Variants in CBR4 observed in about 807,000 individuals in gnomAD.
The protein encoded by CBR4 is carbonyl reductase 4.
In CBR4, 22 loss-of-function variants were observed where a neutral mutation model predicts 21.0. The observed-to-expected ratio is 1.05, with a 90% CI of 0.75 to 1.50. CBR4 has a LOEUF of 1.50. CBR4 is among the 40% of genes most tolerant of loss of function. The pLI, the probability that CBR4 is intolerant of heterozygous loss-of-function variation, is 0.00. For missense variants in CBR4, 302 were observed against 286.3 expected, an observed-to-expected ratio of 1.05 and a Z score of -0.40; for synonymous variants, 100 against 104.4, an observed-to-expected ratio of 0.96 and a Z score of 0.26.
chr4:168,900,405 A>C (rs1245768975), intron 2 of CBR4, among the ~76,000 whole-genome samples: 1 of 152,250 alleles, frequency 6.6e-6, no homozygotes, highest in Non-Finnish European at 1.5e-5. Flanking sequence ...AATTTTAAAA[A>C]GAATGGAAAC....
At position 168,977,293 on chromosome 4, in the gene CBR4, T is replaced by C. The variant is rs529389812; in HGVS notation, n.169+24778A>G. On this transcript the variant is annotated intron_variant and non_coding_transcript_variant, in intron 2 of 3. Transcript: ENST00000509108. ...ATCCATCTTATATGCCTAGCAGTAT[T>C]GATATCAAGAACTCCTTCCTTCAAG... Among the ~76,000 whole-genome samples, 88 of 152,322 alleles carry C rather than the reference T, an allele frequency of 5.8e-4. 2 individuals are homozygous for C. Among genetic ancestry groups the C allele is most frequent in the African/African-American group, 1.9e-3 (81 of 41,554 alleles).
chr4:168,920,577 T>A lies in CBR4; in HGVS notation n.170-25812A>T, dbSNP rs1001251244. 3.9e-5 allele frequency among the ~76,000 whole-genome samples: 6 copies of A among 152,212 alleles called. 1 individual carries two copies. The South Asian group carries it at 1.2e-3, about 32-fold the overall frequency. On this transcript the variant is annotated intron_variant and non_coding_transcript_variant, in intron 2 of 3. Coordinates refer to the CBR4 transcript ENST00000509108. ...AAAATCAAGGGCAAAACTAAAAAGC[T>A]GGCAGATGGCGACCATCCTGACCCT...
At chr4:168,993,055 T>C (rs997101800) in intron 4 of CBR4, among the ~76,000 whole-genome samples, 3 of 152,166 alleles carry the variant, frequency 2.0e-5, no homozygotes, top group African/African-American at 7.2e-5. Flanking sequence ...ACACAGATAT[T>C]GATACTAGCC....
intron 2 of CBR4, among the ~76,000 whole-genome samples, chr4:168,944,609 AGTT>A (rs1194671248): frequency 6.6e-6 from 1 of 152,234 alleles, no homozygotes; most frequent in Non-Finnish European, 1.5e-5. Context: ...CATAAGGGAT[AGTT>A]TAATAATGAA....
intron 2 of CBR4, chr4:168,898,097 T>G (rs1755643520): frequency 3.8e-6 from 1 of 260,570 alleles, no homozygotes; most frequent in South Asian, 4.8e-5. Context: ...TGTGGAGAGA[T>G]GTACCACCCT....
At chr4:168,896,434 T>TA (rs1263197988) in intron 2 of CBR4, 6 of 693,388 alleles carry the variant, frequency 8.7e-6, no homozygotes, top group Non-Finnish European at 1.6e-5. Flanking sequence ...ACAGCACCGT[T>TA]ACTACCAAAC....
At chr4:168,953,513 C>T (rs1360036418) in intron 2 of CBR4, among the ~76,000 whole-genome samples, 4 of 151,988 alleles carry the variant, frequency 2.6e-5, no homozygotes, top group East Asian at 1.9e-4. Context: ...AGCCTCTCAA[C>T]GTCTCTGGAC....
intron 2 of CBR4, among the ~76,000 whole-genome samples, chr4:168,901,105 A>T (rs1369842972): frequency 6.6e-6 from 1 of 152,134 alleles, no homozygotes; most frequent in Non-Finnish European, 1.5e-5. Context: ...TTATTCTTTC[A>T]TCCCTCCTTC....
chr4:168,984,729 A>T (rs966502610), downstream of CBR4, among the ~76,000 whole-genome samples: 1 of 152,224 alleles, frequency 6.6e-6, no homozygotes, highest in East Asian at 1.9e-4. Context: ...GACCAATGGA[A>T]TAGGTTAGAG....
intron 2 of CBR4, among the ~76,000 whole-genome samples, chr4:168,944,606 G>C (rs1387132474): frequency 6.6e-6 from 1 of 152,084 alleles, no homozygotes; most frequent in East Asian, 1.9e-4. Context: ...AACCATAAGG[G>C]ATAGTTTAAT....
chr4:168,898,502 G>C (rs767260072), intron 2 of CBR4: 5 of 1,610,982 alleles, frequency 3.1e-6, no homozygotes, highest in Non-Finnish European at 4.2e-6. Flanking sequence ...GGAATACAAA[G>C]TCTCCAGCTG....
At chr4:168,978,552 C>A (rs1487240591) in intron 2 of CBR4, among the ~76,000 whole-genome samples, 1 of 152,162 alleles carries the variant, frequency 6.6e-6, no homozygotes, top group Non-Finnish European at 1.5e-5. Context: ...TGAATAAGAG[C>A]CCCAGGAAAC....
intron 2 of CBR4, among the ~76,000 whole-genome samples, chr4:168,967,292 T>C (rs1764070770): frequency 6.6e-6 from 1 of 151,544 alleles, no homozygotes; most frequent in Non-Finnish European, 1.5e-5. Context: ...CACTCATAGG[T>C]GGGAGTTGAA....
intron 2 of CBR4, chr4:168,921,406 CAAAAAAAA>C (rs5863967): frequency 5.2e-5 from 19 of 362,422 alleles, no homozygotes; most frequent in South Asian, 4.4e-4. Flanking sequence ...AAACTCTGTC[CAAAAAAAA>C]AAAAAAAAAA....
chr4:168,925,312 T>C, intron 2 of CBR4: 1 of 1,501,060 alleles, frequency 6.7e-7, no homozygotes, highest in Non-Finnish European at 9.3e-7. Flanking sequence ...ATTAGCAAAA[T>C]ATGCATGTTG....
At chr4:168,926,471 A>AACAT (rs1195992544) in intron 2 of CBR4, 3 of 916,590 alleles carry the variant, frequency 3.3e-6, no homozygotes, top group Non-Finnish European at 4.9e-6. Flanking sequence ...AAAAGGCAGA[A>AACAT]ACATACCTTT....
chr4:168,894,505 ACT>A, intron 3 of CBR4: 2 of 874,400 alleles, frequency 2.3e-6, no homozygotes, highest in Non-Finnish European at 3.8e-6. Context: ...GTTGTTTTTT[ACT>A]CTTTTTCATA....
At chr4:168,953,432 T>C (rs540634992) in intron 2 of CBR4, among the ~76,000 whole-genome samples, 5 of 152,262 alleles carry the variant, frequency 3.3e-5, no homozygotes, top group Non-Finnish European at 7.4e-5. Flanking sequence ...CATTTTTTTT[T>C]TTGGTTTTTT....
Position 168,961,935 on chromosome 4 carries a change from G to A in CBR4, n.169+40136C>T, listed in dbSNP as rs1220987576. 1.3e-4 allele frequency among the ~76,000 whole-genome samples: 18 copies of A among 143,210 alleles called. No individual in the cohort carries two copies. In the Admixed American group the frequency reaches 1.3e-3, roughly 10 times the overall value. 94.0% of individuals were successfully genotyped at this position (143,210 alleles called of 152,430 possible). A position where few individuals can be genotyped will look rare whatever the true frequency, so the allele number is the denominator to read the frequency against. On this transcript the variant is annotated intron_variant and non_coding_transcript_variant, in intron 2 of 3. Transcript: ENST00000509108. Reference sequence around the variant, plus strand: ...GGGAGGGGAGGGGAGAACAAGAGGAGAGCACAGGAGAGGAGAGGAGAGGAG... The same window carrying A: ...GGGAGGGGAGGGGAGAACAAGAGGAAAGCACAGGAGAGGAGAGGAGAGGAG...
Sources: gnomAD v4.1 joint callset for allele counts (sites outside exome capture counted in the v4.1 genomes callset) on GRCh38, gnomAD v4.1.1 for gene constraint, MANE v1.5 for transcripts, NCBI Gene and HGNC (gene_info 2026-07-23, HGNC 2026-07-21) for gene names.